DOCK11: variants seen among roughly 807,000 people sequenced by gnomAD.
DOCK11 encodes dedicator of cytokinesis protein 11.
DOCK11 carries 70 observed loss-of-function variants against 169.1 expected under a neutral mutation model. The ratio of observed to expected loss-of-function variants is 0.41; its 90% confidence interval spans 0.34 to 0.51. The LOEUF (loss-of-function observed/expected upper bound fraction) is 0.51. Ranked by LOEUF, DOCK11 falls within the 20% of genes least tolerant of loss-of-function variation. The pLI is 0.10. For missense variants in DOCK11, 1,166 were observed against 1,538.8 expected, an observed-to-expected ratio of 0.76 and a Z score of 4.05; for synonymous variants, 529 against 541.3, an observed-to-expected ratio of 0.98 and a Z score of 0.32.
chrX:118,536,126 C>T (rs749798254), intron 1 of DOCK11, among the ~76,000 whole-genome samples: 3 of 110,983 alleles, frequency 2.7e-5, no homozygotes, highest in South Asian at 7.6e-4. Context: ...GGCAAAACCC[C>T]GTCTCTATAA....
chrX:118,641,112 C>T, intron 38 of DOCK11, 78 bp from the exon 39 acceptor site: 1 of 772,221 alleles, frequency 1.3e-6, no homozygotes, highest in South Asian at 2.1e-5. Flanking sequence ...TGTCTTAAGT[C>T]TTTGGGTAGA....
Position 118,528,634 on chromosome X carries a change from C to A in DOCK11, c.103-14091C>A, listed in dbSNP as rs752070069. Among the ~76,000 whole-genome samples, 2 of 111,132 alleles carry A rather than the reference C, an allele frequency of 1.8e-5. 1 individual carries two copies. The highest frequency in any genetic ancestry group is 1.9e-4 in the Admixed American group (2 of 10,435). On this transcript the variant is annotated intron_variant, in intron 1 of 52. Coordinates refer to ENST00000276202, the MANE Select transcript of DOCK11 (RefSeq NM_144658.4). ...AACATTTGCAGGGGATACGGGTTAG[C>A]ATTACAAAATGGGGATGCTTCAGGA...
At chrX:118,547,685 G>A (rs953625300) in intron 6 of DOCK11, among the ~76,000 whole-genome samples, 4 of 112,538 alleles carry the variant, frequency 3.6e-5, no homozygotes, top group African/African-American at 1.3e-4. Context: ...TTTGAACCTA[G>A]GCAGGCTGAT....
At chrX:118,679,194 C>A (rs2016682142) in intron 48 of DOCK11, among the ~76,000 whole-genome samples, 1 of 111,651 alleles carries the variant, frequency 9.0e-6, no homozygotes, top group African/African-American at 3.3e-5. Flanking sequence ...CTCCCAAGCC[C>A]TCAGATTACA....
chrX:118,542,327 C>T (rs911504101), intron 1 of DOCK11, among the ~76,000 whole-genome samples: 18 of 109,858 alleles, frequency 1.6e-4, no homozygotes, highest in Non-Finnish European at 9.5e-5. Flanking sequence ...TGGGCTATCA[C>T]ACCCAGCTAA....
chrX:118,615,193 T>C (rs1054552417), intron 29 of DOCK11, among the ~76,000 whole-genome samples: 3 of 112,101 alleles, frequency 2.7e-5, no homozygotes, highest in African/African-American at 9.7e-5. Context: ...AATATTTCTG[T>C]TCAAGGAAGC....
rs1172184401 is a variant in DOCK11, at chrX:118,495,856, G to A, written c.-116G>A. 1.4e-5 allele frequency: 4 copies of A among 287,463 alleles called. No homozygotes were observed. In the East Asian group the frequency reaches 3.4e-4, roughly 24 times the overall value. 23.7% of individuals were successfully genotyped at this position (287,463 alleles called of 1,213,427 possible). On this transcript the variant is annotated 5_prime_UTR_variant, in exon 1 of 53. Coordinates refer to ENST00000276202, the MANE Select transcript of DOCK11 (RefSeq NM_144658.4). ...CCGCCGAGCTGCGATGTGGCCGGCC[G>A]GCCGGCGAGTAAACAGAGGGAGCAG...
At chrX:118,544,388 C>T (rs1254875328) in intron 4 of DOCK11, among the ~76,000 whole-genome samples, 2 of 110,934 alleles carry the variant, frequency 1.8e-5, no homozygotes, top group Non-Finnish European at 3.8e-5. Flanking sequence ...TTGAGCTCTC[C>T]ATTTTCTCAT....
chrX:118,573,728 T>G, intron 11 of DOCK11, 78 bp from the exon 12 acceptor site: 1 of 827,094 alleles, frequency 1.2e-6, no homozygotes, highest in South Asian at 2.6e-5. Context: ...AATACAAAAC[T>G]TATTTTGCAC....
chrX:118,569,091 C>CTTTTTTT (rs1186200391), intron 10 of DOCK11, among the ~76,000 whole-genome samples: 157 of 44,949 alleles, frequency 3.5e-3, no homozygotes, highest in Non-Finnish European at 4.9e-3. Context: ...TCTTTCTTTC[C>CTTTTTTT]TTTTTTTTTT....
At chrX:118,612,787 G>A (rs143283356) in intron 28 of DOCK11, among the ~76,000 whole-genome samples, 3 of 111,879 alleles carry the variant, frequency 2.7e-5, no homozygotes, top group East Asian at 5.6e-4. Context: ...GTGAAAAGTC[G>A]TGTGATGAGT....
rs147939883 is a variant in DOCK11, at chrX:118,536,488, A to G, written c.103-6237A>G. ...GTCTCTGATCTTACAGGGTTTATGA[A>G]TAAAACTAGAAGGCAAGATGAAATG... On this transcript the variant is annotated intron_variant, in intron 1 of 52. Transcript: ENST00000276202. Among the ~76,000 whole-genome samples, 378 of 111,854 alleles carry G rather than the reference A, an allele frequency of 3.4e-3. 1 individual carries two copies. The highest frequency in any genetic ancestry group is 0.012 in the African/African-American group (357 of 30,789).
chrX:118,612,686 G>C (rs1252516566), intron 28 of DOCK11, among the ~76,000 whole-genome samples: 1 of 112,137 alleles, frequency 8.9e-6, no homozygotes, highest in African/African-American at 3.2e-5. Flanking sequence ...ACATAGTGCA[G>C]AGTTCCCCAA....
chrX:118,643,693 C>G (rs974495741), intron 40 of DOCK11, 99 bp downstream of exon 40: 1 of 946,336 alleles, frequency 1.1e-6, no homozygotes, highest in Non-Finnish European at 1.5e-6. Flanking sequence ...ACAATGCCAG[C>G]TCATGAAGCC....
chrX:118,656,266 AT>A (rs1227977291), intron 44 of DOCK11, among the ~76,000 whole-genome samples: 1 of 93,364 alleles, frequency 1.1e-5, no homozygotes, highest in African/African-American at 3.8e-5. Flanking sequence ...GTCTCAAAAA[AT>A]AATAAATAAA....
At chrX:118,565,868 C>T in intron 7 of DOCK11, 137 bp from the exon 8 acceptor site, 2 of 614,245 alleles carry the variant, frequency 3.3e-6, no homozygotes, top group Non-Finnish European at 5.2e-6. Flanking sequence ...CTGTTTCTTA[C>T]TGAAAGAAGC....
chrX:118,550,967 T>C (rs916540414), intron 6 of DOCK11, among the ~76,000 whole-genome samples: 2 of 111,332 alleles, frequency 1.8e-5, no homozygotes, highest in African/African-American at 6.5e-5. Flanking sequence ...ATTATCTGAG[T>C]CATTTCCCCA....
chrX:118,586,429 A>G, intron 16 of DOCK11, among the ~76,000 whole-genome samples: 1 of 110,828 alleles, frequency 9.0e-6, no homozygotes, highest in Non-Finnish European at 1.9e-5. Context: ...GAACTTCCAA[A>G]CACTTATAAA....
chrX:118,524,807 A>G (rs1466943628), intron 1 of DOCK11, among the ~76,000 whole-genome samples: 1 of 111,406 alleles, frequency 9.0e-6, no homozygotes. Context: ...TGGTACAACC[A>G]CTATGGAAAA....
Sources: allele counts gnomAD v4.1 joint callset (sites outside exome capture counted in the v4.1 genomes callset), GRCh38; gene constraint gnomAD v4.1.1; transcripts MANE v1.5; gene names NCBI Gene and HGNC (gene_info 2026-07-23, HGNC 2026-07-21).